The following ABCC4 variants were observed in gnomAD, a reference collection of about 807,000 sequenced individuals.
ABCC4 encodes the protein ATP binding cassette subfamily C member 4 (PEL blood group).
In ABCC4, 102 loss-of-function variants were observed where a neutral mutation model predicts 168.5. The ratio of observed to expected loss-of-function variants is 0.61; its 90% confidence interval spans 0.52 to 0.71. The LOEUF is 0.71. ABCC4 is among the 30% of genes least tolerant of loss of function. The probability of loss-of-function intolerance (pLI) is 0.00; values close to 1 mark genes in which losing one functional copy is unlikely to be tolerated. For synonymous variants in ABCC4, 617 were observed against 590.7 expected (o/e 1.04, Z -0.65); for missense variants, 1,402 against 1,605.8 (o/e 0.87, Z 2.17).
intron 1 of ABCC4, among the ~76,000 whole-genome samples, chr13:95,281,674 C>T (rs976903766): frequency 6.6e-6 from 1 of 152,108 alleles, no homozygotes; most frequent in Non-Finnish European, 1.5e-5. Context: ...AACTCCTTGG[C>T]GAGTTCAGTC....
chr13:95,115,668 A>G (rs1397495093), intron 20 of ABCC4, among the ~76,000 whole-genome samples: 1 of 152,218 alleles, frequency 6.6e-6, no homozygotes, highest in Non-Finnish European at 1.5e-5. Context: ...ACGGAGAGCC[A>G]CTTACCAAGC....
chr13:95,176,141 T>G (rs2037676571), intron 13 of ABCC4, among the ~76,000 whole-genome samples: 1 of 133,630 alleles, frequency 7.5e-6, no homozygotes, highest in South Asian at 2.3e-4. Flanking sequence ...GCTGCCCACT[T>G]CTTCCATTTA....
intron 26 of ABCC4, among the ~76,000 whole-genome samples, chr13:95,059,759 T>G (rs1344701210): frequency 2.0e-5 from 3 of 152,186 alleles, no homozygotes; most frequent in South Asian, 2.1e-4. Flanking sequence ...CCTTCTAGAA[T>G]AGCGAGTAGC....
chr13:95,145,837 T>C (rs1186798571), intron 19 of ABCC4, among the ~76,000 whole-genome samples: 1 of 151,994 alleles, frequency 6.6e-6, no homozygotes, highest in Non-Finnish European at 1.5e-5. Flanking sequence ...CCCAAGCAAA[T>C]TAACAAGAAA....
At chr13:95,102,992 C>T (rs1052714914) in intron 20 of ABCC4, among the ~76,000 whole-genome samples, 3 of 151,456 alleles carry the variant, frequency 2.0e-5, no homozygotes, top group African/African-American at 4.8e-5. Context: ...CTGGGCCGGG[C>T]GCAGTGGCTC....
intron 15 of ABCC4, among the ~76,000 whole-genome samples, chr13:95,165,175 A>G (rs2037231630): frequency 6.6e-6 from 1 of 152,210 alleles, no homozygotes; most frequent in Non-Finnish European, 1.5e-5. Context: ...ATCATATACA[A>G]AAAGATATGG....
chr13:95,101,861 C>A (rs960492837), intron 20 of ABCC4, among the ~76,000 whole-genome samples: 4 of 152,182 alleles, frequency 2.6e-5, no homozygotes, highest in Non-Finnish European at 5.9e-5. Flanking sequence ...AGCATAATGT[C>A]ATTGTCAGGC....
intron 1 of ABCC4, among the ~76,000 whole-genome samples, chr13:95,280,479 T>C (rs1225371907): frequency 6.7e-6 from 1 of 148,728 alleles, no homozygotes; most frequent in East Asian, 2.0e-4. Flanking sequence ...CCAAGCAGAG[T>C]TCAATCCAAT....
At chr13:95,213,881 C>T (rs954194229) in intron 4 of ABCC4, among the ~76,000 whole-genome samples, 7 of 151,994 alleles carry the variant, frequency 4.6e-5, no homozygotes, top group Non-Finnish European at 1.0e-4. Flanking sequence ...TAATGTTCAA[C>T]ATAGTAAAAC....
At position 95,188,540 on chromosome 13, in the gene ABCC4, T is replaced by C. The variant is rs2038144501; in HGVS notation, c.1266A>G (p.Ala422=). ...GGCCTTGTAGAGTTGGGGTCTCTGA[T>C]GCCTACAAATTAAAGTTTATAAAAT... ...VQDFTAFWDK[A]SETPTLQGLS... The change falls in exon 10 of 31, where the codon GCA becomes GCG. Residue 422 remains alanine, a splice_region_variant and synonymous_variant. Transcript: ENST00000645237. 6.2e-7 allele frequency: 1 copy of C among 1,606,574 alleles called. No homozygotes were observed. The highest frequency in any genetic ancestry group is 8.5e-7 in the Non-Finnish European group (1 of 1,175,028).
chr13:95,062,599 A>G (rs1368948688), intron 26 of ABCC4, 105 bp downstream of exon 26: 2 of 1,143,922 alleles, frequency 1.7e-6, no homozygotes, highest in Non-Finnish European at 1.2e-6. Flanking sequence ...TGGGTGAAAA[A>G]AAAAACAATC....
intron 27 of ABCC4, among the ~76,000 whole-genome samples, 168 bp from the exon 28 acceptor site, chr13:95,044,606 TAG>T (rs1276290334): frequency 1.3e-5 from 2 of 152,160 alleles, no homozygotes; most frequent in African/African-American, 4.8e-5. Flanking sequence ...AGAAAGATGG[TAG>T]AGTCAACACA....
intron 1 of ABCC4, chr13:95,269,423 C>T (rs1293909892): frequency 1.6e-5 from 2 of 122,848 alleles, no homozygotes; most frequent in Admixed American, 1.4e-4. Flanking sequence ...GAGACTCCAT[C>T]TCAAAAAAAA....
chr13:95,231,093 G>A (rs1339056840), intron 4 of ABCC4, among the ~76,000 whole-genome samples: 4 of 152,158 alleles, frequency 2.6e-5, no homozygotes, highest in African/African-American at 9.6e-5. Context: ...AATTCATAGA[G>A]CTGGAAAGCA....
At chr13:95,112,794 C>G (rs2035248618) in intron 20 of ABCC4, among the ~76,000 whole-genome samples, 1 of 152,070 alleles carries the variant, frequency 6.6e-6, no homozygotes, top group Non-Finnish European at 1.5e-5. Context: ...GTGATTATTA[C>G]CTATTGAACC....
At chr13:95,103,652 C>G (rs1353816633) in intron 20 of ABCC4, among the ~76,000 whole-genome samples, 1 of 152,210 alleles carries the variant, frequency 6.6e-6, no homozygotes, top group Non-Finnish European at 1.5e-5. Context: ...GCATTCTGAC[C>G]TGGATGTCCT....
chr13:95,025,273 CCA>C (rs1566351228), intron 30 of ABCC4, among the ~76,000 whole-genome samples: 8 of 69,850 alleles, frequency 1.1e-4, no homozygotes, highest in South Asian at 5.1e-4. Flanking sequence ...CCCCACACCC[CCA>C]CACACACCCC....
At chr13:95,220,293 A>C (rs7992834) in intron 4 of ABCC4, among the ~76,000 whole-genome samples, 26,766 of 152,158 alleles carry the variant, frequency 0.18, 2,445 homozygotes, top group Non-Finnish European at 0.19. Context: ...AGCAATCTTC[A>C]CTCTACAGAC....
At position 95,206,578 on chromosome 13, in the gene ABCC4, G is replaced by T. The variant is rs2038786803; in HGVS notation, c.1115C>A (p.Ala372Asp). 1 of 1,613,992 alleles carries T rather than the reference G, an allele frequency of 6.2e-7. No homozygotes were observed. The highest frequency in any genetic ancestry group is 1.7e-5 in the Admixed American group (1 of 60,004). ...RLTVTLFFPS[A>D]IERVSEAIVS... ...GATTGCCTCTGACACCCTCTCAATG[G>T]CTGAGGGGAAGAAGAGGGTAACCGT... Residue 372 changes from alanine to aspartate, a missense_variant, in exon 8 of 31, where the codon GCC (alanine) becomes GAC (aspartate). By Grantham distance (126) the Ala-to-Asp change is moderately radical (BLOSUM62 -2). Coordinates refer to ENST00000645237, the MANE Select transcript of ABCC4 (RefSeq NM_005845.5).
Sources: allele counts gnomAD v4.1 joint callset (sites outside exome capture counted in the v4.1 genomes callset), GRCh38; gene constraint gnomAD v4.1.1; transcripts MANE v1.5; gene names NCBI Gene and HGNC (gene_info 2026-07-23, HGNC 2026-07-21).